Variants in HDAC2 observed in about 807,000 individuals in gnomAD.
HDAC2 encodes the protein YY1-associated factor 1.
A neutral mutation model predicts 68.5 loss-of-function variants in HDAC2; 5 were observed. The observed-to-expected ratio is 0.07, with a 90% CI of 0.04 to 0.15. The LOEUF is 0.15. Ranked by LOEUF, HDAC2 falls within the 10% of genes least tolerant of loss-of-function variation. The pLI, the probability that HDAC2 is intolerant of heterozygous loss-of-function variation, is 1.00. For synonymous variants in HDAC2, 182 were observed against 191.3 expected (o/e 0.95, Z 0.40); for missense variants, 291 against 600.8 (o/e 0.48, Z 5.39).
At chr6:113,963,073 T>C (rs1006704990) in intron 1 of HDAC2, among the ~76,000 whole-genome samples, 1 of 151,960 alleles carries the variant, frequency 6.6e-6, no homozygotes, top group Admixed American at 6.6e-5. Context: ...GATGGCTACT[T>C]TGTAGGCATC....
At position 113,964,614 on chromosome 6, in the gene HDAC2, G is replaced by C. The variant is rs112623181; in HGVS notation, c.53-4596C>G. 3.6e-3 allele frequency among the ~76,000 whole-genome samples: 547 copies of C among 152,254 alleles called. 3 individuals are homozygous for C. Among genetic ancestry groups the C allele is most frequent in the African/African-American group, 0.012 (503 of 41,552 alleles). On this transcript the variant is annotated intron_variant, in intron 1 of 13. Coordinates refer to ENST00000519065, the MANE Select transcript of HDAC2 (RefSeq NM_001527.4). ...TCTCTTCTCTCGGGAGTTAAGTCCT[G>C]GGACCAGTCGTCTGTCTATGCTGTA...
intron 6 of HDAC2, among the ~76,000 whole-genome samples, chr6:113,951,545 G>T (rs988528195): frequency 3.4e-5 from 5 of 149,062 alleles, no homozygotes; most frequent in Non-Finnish European, 7.4e-5. Context: ...TCGGCTCACA[G>T]CAAGCTCCGC....
chr6:113,957,851 T>G (rs1776593638), intron 3 of HDAC2, among the ~76,000 whole-genome samples: 1 of 152,126 alleles, frequency 6.6e-6, no homozygotes, highest in African/African-American at 2.4e-5. Flanking sequence ...TTATGTTGTT[T>G]GCCCAAGGGC....
intron 12 of HDAC2, among the ~76,000 whole-genome samples, chr6:113,942,813 A>T (rs1776167498): frequency 6.6e-6 from 1 of 152,180 alleles, no homozygotes; most frequent in South Asian, 2.1e-4. Context: ...AAAGTAAGGC[A>T]ATGTATCAAA....
At chr6:113,948,819 ATAACTC>A (rs1776329006) in intron 8 of HDAC2, 154 bp downstream of exon 8, 1 of 641,966 alleles carries the variant, frequency 1.6e-6, no homozygotes, top group African/African-American at 1.8e-5. Flanking sequence ...TGAAACAAGA[ATAACTC>A]TAGTCATACA....
At chr6:113,970,197 T>C (rs1191003426) in intron 1 of HDAC2, 1 of 151,544 alleles carries the variant, frequency 6.6e-6, no homozygotes, top group Admixed American at 6.6e-5. Context: ...AACATGGGTG[T>C]GATAAAGCCA....
At position 113,971,134 on chromosome 6, in the gene HDAC2, A is replaced by G; in HGVS notation, c.-226T>C. 2 of 1,501,626 alleles carry G rather than the reference A, an allele frequency of 1.3e-6. No homozygotes were observed. Among genetic ancestry groups the G allele is most frequent in the Non-Finnish European group, 1.8e-6 (2 of 1,117,914 alleles). The allele number at this position is 1,501,626 out of a possible 1,614,324, so 93.0% of individuals were successfully genotyped here. On this transcript the variant is annotated 5_prime_UTR_variant, in exon 1 of 14. Coordinates refer to ENST00000519065, the MANE Select transcript of HDAC2 (RefSeq NM_001527.4). ...GGAATCGGAGGTGGCAGCGGCACCA[A>G]CTCGCGAGGAGGGGGCCACCAAACC...
intron 1 of HDAC2, among the ~76,000 whole-genome samples, chr6:113,962,153 C>G (rs565150748): frequency 7.9e-5 from 12 of 151,324 alleles, no homozygotes; most frequent in African/African-American, 2.9e-4. Context: ...AAGTACTTCA[C>G]ATATCTTTTA....
intron 1 of HDAC2, among the ~76,000 whole-genome samples, chr6:113,968,912 C>A (rs1180100658): frequency 6.6e-6 from 1 of 152,184 alleles, no homozygotes; most frequent in Non-Finnish European, 1.5e-5. Flanking sequence ...AAATTACAAG[C>A]AGCTTACTTC....
chr6:113,959,834 G>T, intron 2 of HDAC2, 72 bp downstream of exon 2: 1 of 708,892 alleles, frequency 1.4e-6, no homozygotes, highest in South Asian at 1.8e-5. Context: ...GGGAATAATA[G>T]ACAAAGTTTC....
rs1233032395 is a variant in HDAC2 at position 113,938,255 on chromosome 6, CTATT to C, written c.*2799_*2802del. The C allele has an allele frequency of 6.6e-6, 1 of 152,204 alleles. No individual in the cohort carries two copies. Among genetic ancestry groups the C allele is most frequent in the Non-Finnish European group, 1.5e-5 (1 of 68,020 alleles). 9.4% of individuals were successfully genotyped at this position (152,204 alleles called of 1,614,324 possible). On this transcript the variant is annotated 3_prime_UTR_variant, in exon 14 of 14. Transcript: ENST00000519065. ...TTAAAGATCTTTTCATATTTACAAA[CTATT>C]TATATGTATTTGTTTCCCAGTTCAC...
chr6:113,944,435 TA>T (rs1211073987), intron 10 of HDAC2, 25 bp from the exon 11 acceptor site: 1 of 1,596,960 alleles, frequency 6.3e-7, no homozygotes, highest in South Asian at 1.1e-5. Context: ...CAAAGTTTAT[TA>T]GACAAAATTA....
intron 5 of HDAC2, among the ~76,000 whole-genome samples, chr6:113,954,256 T>C (rs1776493300): frequency 6.6e-6 from 1 of 152,230 alleles, no homozygotes; most frequent in African/African-American, 2.4e-5. Flanking sequence ...ATTGTATTTA[T>C]TATATAATGG....
chr6:113,958,626 C>G, intron 3 of HDAC2, 23 bp downstream of exon 3: 1 of 1,161,770 alleles, frequency 8.6e-7, no homozygotes, highest in Non-Finnish European at 1.3e-6. Context: ...CAAAGCAAAA[C>G]TACTTTTTAC....
At chr6:113,961,825 A>G (rs1048135561) in intron 1 of HDAC2, among the ~76,000 whole-genome samples, 1 of 152,234 alleles carries the variant, frequency 6.6e-6, no homozygotes, top group Non-Finnish European at 1.5e-5. Flanking sequence ...CTTCACTAGA[A>G]ATGCAGATTC....
At chr6:113,948,926 G>A in intron 8 of HDAC2, 53 bp downstream of exon 8, 1 of 1,590,548 alleles carries the variant, frequency 6.3e-7, no homozygotes, top group Middle Eastern at 1.7e-4. Flanking sequence ...GGGAGTTCTT[G>A]GGTGGAAGAA....
chr6:113,943,404 G>A lies in HDAC2; in HGVS notation c.1325C>T (p.Ala442Val). The A allele has an allele frequency of 6.2e-7, 1 of 1,608,570 alleles. No homozygotes were observed. The highest frequency in any genetic ancestry group is 8.5e-7 in the Non-Finnish European group (1 of 1,177,930). Residue 442 changes from alanine (A) to valine (V), a missense_variant, in exon 12 of 14, where the codon GCA (alanine) becomes GTA (valine). Ala to Val is a moderately conservative substitution (Grantham distance 64). Around this residue, in one of 2 missense-constraint regions of HDAC2, gnomAD observed 137 missense variants for 128.7 expected, o/e 1.06. Transcript: ENST00000519065. The part of the protein sequence containing the change: ...RRNVADHKKG[A>V]KKARIEEDKK... ...ATCTTCTTCAATTCTAGCTTTCTTT[G>A]CTCCTTTCTTATGATCAGCCACATT...
chr6:113,934,791 T>C lies in HDAC2; in HGVS notation c.*6267A>G, dbSNP rs1355990338. On this transcript the variant is annotated 3_prime_UTR_variant, in exon 14 of 14. Transcript: ENST00000519065. ...TCAAAAGGGAATAGCACAGGAATTATACCTAAGTCCATTACATATAACACT... is the reference window on the plus strand; with the variant it reads ...TCAAAAGGGAATAGCACAGGAATTACACCTAAGTCCATTACATATAACACT... 6.6e-6 allele frequency: 1 copy of C among 152,224 alleles called. No individual in the cohort carries two copies. Among genetic ancestry groups the C allele is most frequent in the Non-Finnish European group, 1.5e-5 (1 of 68,042 alleles). 9.4% of individuals were successfully genotyped at this position (152,224 alleles called of 1,614,324 possible).
chr6:113,944,143 A>G, intron 11 of HDAC2, 137 bp downstream of exon 11: 1 of 747,456 alleles, frequency 1.3e-6, no homozygotes, highest in South Asian at 1.7e-5. Context: ...AGGAAGCTAA[A>G]TCTCTGAAAG....
Sources: gnomAD v4.1 joint callset for allele counts (sites outside exome capture counted in the v4.1 genomes callset) on GRCh38, gnomAD v4.1.1 for gene constraint, gnomAD v4.1.1 regional missense constraint, MANE v1.5 for transcripts, NCBI Gene and HGNC (gene_info 2026-07-23, HGNC 2026-07-21) for gene names.